PRKCB: variants seen among roughly 807,000 people sequenced by gnomAD.
The protein encoded by PRKCB is protein kinase C beta type.
A neutral mutation model predicts 81.5 loss-of-function variants in PRKCB; 13 were observed. The observed-to-expected ratio is 0.16, with a 90% CI of 0.10 to 0.25. PRKCB has a LOEUF of 0.25. PRKCB is among the 10% of genes least tolerant of loss of function. The pLI is 1.00. For synonymous variants in PRKCB, 335 were observed against 321.4 expected (o/e 1.04, Z -0.45); for missense variants, 509 against 875.7 (o/e 0.58, Z 5.29).
chr16:24,214,553 GA>G lies in PRKCB; in HGVS notation c.1864-103del. On this transcript the variant is annotated intron_variant, in intron 16 of 16. Transcript: ENST00000643927. ...CTCTCTGAGTTTCTGAAAGGGAAGG[GA>G]ATGGAGAAAAGCACACCCAATTATG... 3 of 878,710 alleles carry G rather than the reference GA, an allele frequency of 3.4e-6. No homozygotes were observed. The East Asian group carries it at 7.6e-5, about 22-fold the overall frequency. 54.4% of individuals were successfully genotyped at this position (878,710 alleles called of 1,614,324 possible).
chr16:23,979,791 A>C (rs1056678808), intron 2 of PRKCB, among the ~76,000 whole-genome samples: 7 of 152,188 alleles, frequency 4.6e-5, no homozygotes, highest in African/African-American at 1.7e-4. Flanking sequence ...TAGCTGAACA[A>C]CCTTGGGCAA....
chr16:24,199,395 C>T (rs948815237), intron 16 of PRKCB, among the ~76,000 whole-genome samples: 1 of 152,138 alleles, frequency 6.6e-6, no homozygotes, highest in Non-Finnish European at 1.5e-5. Flanking sequence ...GAGTAAGTGC[C>T]TCTGTGTGTG....
intron 15 of PRKCB, among the ~76,000 whole-genome samples, chr16:24,188,962 C>A (rs970586388): frequency 1.4e-4 from 22 of 152,172 alleles, no homozygotes; most frequent in Admixed American, 1.3e-3. Context: ...ACTCAGTACA[C>A]GGAAGCCGTT....
At chr16:23,877,982 C>T (rs1597223608) in intron 2 of PRKCB, among the ~76,000 whole-genome samples, 1 of 152,232 alleles carries the variant, frequency 6.6e-6, no homozygotes, top group East Asian at 1.9e-4. Flanking sequence ...TACAGGCATG[C>T]ACCACCACTC....
rs958966022 is a variant in PRKCB, at chr16:24,022,773, G to A, written c.289-9363G>A. On this transcript the variant is annotated intron_variant, in intron 3 of 16. Transcript: ENST00000643927. ...CTCCCAAAGTGCTGGGATTACAGGC[G>A]TGAGCCACTGTGCCTGGCCAAAATT... 9.8e-5 allele frequency among the ~76,000 whole-genome samples: 15 copies of A among 152,322 alleles called. No individual in the cohort carries two copies. In the East Asian group the frequency reaches 2.1e-3, roughly 22 times the overall value.
In PRKCB at chr16:23,943,828, G is replaced by A. The variant is rs74402473; in HGVS notation, c.206-44680G>A. Among the ~76,000 whole-genome samples, 495 of 152,262 alleles carry A rather than the reference G, an allele frequency of 3.3e-3. 4 individuals carry two copies. Among genetic ancestry groups the A allele is most frequent in the East Asian group, 0.018 (92 of 5,178 alleles). On this transcript the variant is annotated intron_variant, in intron 2 of 16. Coordinates refer to ENST00000643927, the MANE Select transcript of PRKCB (RefSeq NM_002738.7). The stretch of plus-strand genomic sequence containing the variant: ...AACCTTTATTGTGGGCTTACTATGT[G>A]TCAGGCCTGTTCTAGGATCTTGTTA...
intron 10 of PRKCB, among the ~76,000 whole-genome samples, chr16:24,168,926 G>T (rs1323603913): frequency 1.3e-5 from 2 of 151,550 alleles, no homozygotes; most frequent in Non-Finnish European, 2.9e-5. Context: ...ATCAATTAAA[G>T]TGAGATACAA....
chr16:23,863,647 C>A (rs1216526788), intron 2 of PRKCB, among the ~76,000 whole-genome samples: 1 of 152,148 alleles, frequency 6.6e-6, no homozygotes, highest in African/African-American at 2.4e-5. Context: ...AGTGTCTATC[C>A]TGTAAATGTA....
At chr16:23,913,391 TC>T (rs1306425299) in intron 2 of PRKCB, among the ~76,000 whole-genome samples, 3 of 150,952 alleles carry the variant, frequency 2.0e-5, no homozygotes, top group Non-Finnish European at 4.4e-5. Context: ...GATCATAGAG[TC>T]CCAGTGCCAT....
chr16:23,863,430 C>T (rs1431821734), intron 2 of PRKCB, among the ~76,000 whole-genome samples: 1 of 151,918 alleles, frequency 6.6e-6, no homozygotes, highest in Non-Finnish European at 1.5e-5. Flanking sequence ...TGAATTCTTT[C>T]TTGTGCAAGA....
chr16:24,163,212 T>C (rs1185546023), intron 10 of PRKCB, among the ~76,000 whole-genome samples: 2 of 152,316 alleles, frequency 1.3e-5, no homozygotes, highest in Middle Eastern at 6.8e-3. Context: ...GAGGGAATAA[T>C]TGGTGCTCAT....
At chr16:24,117,060 A>G (rs1966743818) in intron 8 of PRKCB, among the ~76,000 whole-genome samples, 1 of 145,744 alleles carries the variant, frequency 6.9e-6, no homozygotes, top group South Asian at 2.1e-4. Flanking sequence ...ATCGCTGCAT[A>G]CTGTACTTGT....
chr16:24,024,502 G>A (rs537868368), intron 3 of PRKCB, among the ~76,000 whole-genome samples: 3 of 152,312 alleles, frequency 2.0e-5, no homozygotes, highest in Admixed American at 1.3e-4. Context: ...AGGCAAGTTA[G>A]GTGATGGATA....
At chr16:23,842,749 C>G (rs1327347783) in intron 2 of PRKCB, among the ~76,000 whole-genome samples, 1 of 152,126 alleles carries the variant, frequency 6.6e-6, no homozygotes. Flanking sequence ...TTAAAAAACC[C>G]CAAAGTCTGA....
chr16:24,196,010 A>G (rs1052389734), intron 16 of PRKCB, among the ~76,000 whole-genome samples: 2 of 152,020 alleles, frequency 1.3e-5, no homozygotes, highest in Non-Finnish European at 2.9e-5. Context: ...TTTCCCCCTC[A>G]TCAAATCAGT....
chr16:23,995,974 A>G (rs1163291110), intron 3 of PRKCB, among the ~76,000 whole-genome samples: 1 of 147,826 alleles, frequency 6.8e-6, no homozygotes, highest in African/African-American at 2.5e-5. Context: ...CTCGGTGGGC[A>G]GAACTTTGAG....
intron 16 of PRKCB, among the ~76,000 whole-genome samples, chr16:24,202,035 CA>C (rs72304458): frequency 0.56 from 65,471 of 117,808 alleles, 15,150 homozygotes; most frequent in African/African-American, 0.64. Flanking sequence ...GACTCCGTCT[CA>C]AAAAAAAAAA....
At chr16:24,209,497 C>T (rs576553963) in intron 16 of PRKCB, among the ~76,000 whole-genome samples, 21 of 152,078 alleles carry the variant, frequency 1.4e-4, no homozygotes, top group Non-Finnish European at 2.8e-4. Flanking sequence ...AAATTTCCCC[C>T]CTCAAATAGG....
At chr16:24,021,385 A>G (rs1208731459) in intron 3 of PRKCB, among the ~76,000 whole-genome samples, 1 of 84,872 alleles carries the variant, frequency 1.2e-5, no homozygotes, top group African/African-American at 4.6e-5. Flanking sequence ...CCCCTCCTCC[A>G]TCTCTCTCAC....
Sources: gnomAD v4.1 joint callset for allele counts (sites outside exome capture counted in the v4.1 genomes callset) on GRCh38, gnomAD v4.1.1 for gene constraint, MANE v1.5 for transcripts, NCBI Gene and HGNC (gene_info 2026-07-23, HGNC 2026-07-21) for gene names.